Variants in ARHGAP8 observed in about 807,000 individuals in gnomAD.
The protein encoded by ARHGAP8 is rho GTPase-activating protein 8.
ARHGAP8 carries 62 observed loss-of-function variants against 46.1 expected under a neutral mutation model. The ratio of observed to expected loss-of-function variants is 1.34; its 90% CI spans 1.10 to 1.66. The LOEUF is 1.66. Among genes scored for constraint, ARHGAP8 ranks in the 40% most tolerant of loss-of-function variants. The probability of loss-of-function intolerance (pLI) is 0.00; values close to 1 mark genes in which losing one functional copy is unlikely to be tolerated. For synonymous variants in ARHGAP8, 375 were observed against 243.1 expected (o/e 1.54, Z -5.05); for missense variants, 923 against 568.4 (o/e 1.62, Z -6.34).
At chr22:44,819,920 A>G (rs1468776316) in intron 5 of ARHGAP8, among the ~76,000 whole-genome samples, 1 of 152,204 alleles carries the variant, frequency 6.6e-6, no homozygotes, top group Non-Finnish European at 1.5e-5. Flanking sequence ...ATGCCTGGAC[A>G]TAAGCAGCTG....
intron 7 of ARHGAP8, among the ~76,000 whole-genome samples, chr22:44,827,367 C>A (rs1930612511): frequency 4.9e-5 from 1 of 20,294 alleles, no homozygotes; most frequent in Non-Finnish European, 9.9e-5. Flanking sequence ...TTTTTTGAGA[C>A]AGTCTCGCTC....
chr22:44,860,729 C>G (rs749961040), intron 11 of ARHGAP8, among the ~76,000 whole-genome samples: 4 of 149,628 alleles, frequency 2.7e-5, no homozygotes, highest in Non-Finnish European at 5.9e-5. Flanking sequence ...GGGCAGGGAT[C>G]CATTTGGAGC....
chr22:44,843,724 C>G (rs1042606788), intron 7 of ARHGAP8, among the ~76,000 whole-genome samples: 5 of 149,672 alleles, frequency 3.3e-5, no homozygotes, highest in African/African-American at 1.2e-4. Context: ...ACTTGGGAGG[C>G]TAAGGTGAAA....
intron 4 of ARHGAP8, among the ~76,000 whole-genome samples, chr22:44,813,133 C>G (rs1929455979): frequency 1.3e-5 from 2 of 152,030 alleles, no homozygotes; most frequent in South Asian, 4.1e-4. Context: ...GTGGAGAATG[C>G]TATTTAGAGA....
chr22:44,764,811 C>G (rs551807632), intron 1 of ARHGAP8, among the ~76,000 whole-genome samples: 1 of 152,192 alleles, frequency 6.6e-6, no homozygotes, highest in African/African-American at 2.4e-5. Context: ...GTTACGTGTG[C>G]GCATTACGTG....
intron 7 of ARHGAP8, among the ~76,000 whole-genome samples, chr22:44,836,541 G>A (rs1931298729): frequency 2.0e-5 from 3 of 150,902 alleles, no homozygotes; most frequent in South Asian, 4.3e-4. Context: ...TGCACGTGGT[G>A]CACAGTAGGT....
chr22:44,783,632 G>A (rs1287706977), intron 1 of ARHGAP8, among the ~76,000 whole-genome samples: 3 of 152,146 alleles, frequency 2.0e-5, no homozygotes, highest in African/African-American at 7.2e-5. Flanking sequence ...GCATCCCTGA[G>A]GCCAGAGCTG....
intron 7 of ARHGAP8, among the ~76,000 whole-genome samples, chr22:44,843,048 C>T (rs1208584243): frequency 6.6e-5 from 10 of 152,196 alleles, no homozygotes. Context: ...GAGGACCCTG[C>T]ATCCAGAGGT....
chr22:44,857,915 A>G (rs2070278892), intron 10 of ARHGAP8, among the ~76,000 whole-genome samples: 1 of 109,390 alleles, frequency 9.1e-6, no homozygotes, highest in African/African-American at 3.7e-5. Flanking sequence ...AGTCCTGCCT[A>G]CTTGCCAGCA....
chr22:44,861,991 A>G (rs867972061), intron 11 of ARHGAP8, among the ~76,000 whole-genome samples: 5 of 152,168 alleles, frequency 3.3e-5, no homozygotes, highest in African/African-American at 1.2e-4. Flanking sequence ...GCATCTCCCC[A>G]GAAGGTGCAG....
At chr22:44,780,377 C>T (rs1447615254) in intron 1 of ARHGAP8, among the ~76,000 whole-genome samples, 2 of 151,310 alleles carry the variant, frequency 1.3e-5, no homozygotes, top group Non-Finnish European at 2.9e-5. Flanking sequence ...AAATAAAAAA[C>T]AGGCTGGGCA....
chr22:44,811,575 A>G lies in ARHGAP8; in HGVS notation c.300-3097A>G, dbSNP rs141978918. Among the ~76,000 whole-genome samples the G allele has an allele frequency of 7.1e-3, 1,085 of 152,288 alleles. 7 individuals are homozygous for G. The highest frequency in any genetic ancestry group is 0.024 in the African/African-American group (977 of 41,552). ...ACTCCCCGGGAGGTTGGATAGGGGTAGGGGTTAGGGTTAGCGTTACAGATC... is the reference window on the plus strand; with the variant it reads ...ACTCCCCGGGAGGTTGGATAGGGGTGGGGGTTAGGGTTAGCGTTACAGATC... On this transcript the variant is annotated intron_variant, in intron 4 of 11. Transcript: ENST00000356099.
intron 1 of ARHGAP8, among the ~76,000 whole-genome samples, chr22:44,777,960 T>C (rs1446689975): frequency 6.6e-6 from 1 of 152,124 alleles, no homozygotes. Context: ...CCTCCCAAAG[T>C]GCTGGGATTA....
intron 5 of ARHGAP8, among the ~76,000 whole-genome samples, chr22:44,816,297 ACT>A (rs931018080): frequency 6.6e-6 from 1 of 152,082 alleles, no homozygotes; most frequent in African/African-American, 2.4e-5. Flanking sequence ...CGGAATCCAC[ACT>A]GTCTCCTTCC....
intron 1 of ARHGAP8, among the ~76,000 whole-genome samples, chr22:44,771,242 ATT>A (rs368256843): frequency 3.7e-5 from 4 of 108,296 alleles, no homozygotes; most frequent in African/African-American, 1.0e-4. Flanking sequence ...TTGCAAGTAA[ATT>A]TTTTTTTTTT....
Position 44,859,814 on chromosome 22 carries a change from C to G in ARHGAP8, c.961C>G (p.Leu321Val), listed in dbSNP as rs1187937647. 1.2e-6 allele frequency: 2 copies of G among 1,613,860 alleles called. No individual in the cohort carries two copies. The highest frequency in any genetic ancestry group is 1.3e-5 in the African/African-American group (1 of 74,950). The change falls in exon 11 of 12, where the codon CTC becomes GTC. Residue 321 changes from leucine to valine, a missense_variant. Physicochemically the swap from Leu to Val is conservative, Grantham distance 32 (BLOSUM62 1). Coordinates refer to ENST00000356099, the MANE Select transcript of ARHGAP8 (RefSeq NM_181335.3). ...PEHNYVVLRY[L>V]MGFLHAVSRE... ...GCACAACTACGTCGTCCTCCGCTAC[C>G]TCATGGGCTTCCTGCATGCGGTGAG...
intron 7 of ARHGAP8, among the ~76,000 whole-genome samples, chr22:44,843,039 A>G (rs1252319817): frequency 2.0e-5 from 3 of 152,112 alleles, no homozygotes; most frequent in Admixed American, 2.0e-4. Context: ...GATCAGGGAG[A>G]GGACCCTGCA....
chr22:44,842,379 A>G (rs1931710704), intron 7 of ARHGAP8, among the ~76,000 whole-genome samples: 1 of 152,000 alleles, frequency 6.6e-6, no homozygotes, highest in South Asian at 2.1e-4. Context: ...CAAACAAACA[A>G]AAACAGCACA....
chr22:44,818,246 C>T (rs1205621413), intron 5 of ARHGAP8, among the ~76,000 whole-genome samples: 4 of 151,994 alleles, frequency 2.6e-5, no homozygotes, highest in Non-Finnish European at 4.4e-5. Flanking sequence ...GTCAGGAGTT[C>T]GTGACAAGCC....
Sources: gnomAD v4.1 joint callset for allele counts (sites outside exome capture counted in the v4.1 genomes callset) on GRCh38, gnomAD v4.1.1 for gene constraint, MANE v1.5 for transcripts, NCBI Gene and HGNC (gene_info 2026-07-23, HGNC 2026-07-21) for gene names.